NPNT: variants seen among roughly 807,000 people sequenced by gnomAD.
NPNT encodes the protein nephronectin, also known as preosteoblast EGF-like repeat protein with MAM domain.
NPNT carries 45 observed loss-of-function variants against 68.6 expected under a neutral mutation model. The observed-to-expected ratio is 0.66, with a 90% confidence interval of 0.52 to 0.84. NPNT has a LOEUF of 0.84. Among genes scored for constraint, NPNT ranks in the 40% least tolerant of loss-of-function variants. NPNT has a pLI of 0.00. For missense variants in NPNT, 672 were observed against 714.8 expected (o/e 0.94, Z 0.68); for synonymous variants, 233 against 253.3 (o/e 0.92, Z 0.76).
chr4:105,941,362 A>AT (rs1410977770), intron 7 of NPNT, among the ~76,000 whole-genome samples: 1 of 152,168 alleles, frequency 6.6e-6, no homozygotes, highest in Non-Finnish European at 1.5e-5. Flanking sequence ...AGAAAAAAAA[A>AT]GCCATTCCCA....
chr4:105,939,279 T>A (rs1176929043), intron 5 of NPNT, among the ~76,000 whole-genome samples: 28 of 152,174 alleles, frequency 1.8e-4, no homozygotes, highest in Admixed American at 1.8e-3. Context: ...AAGACCTGTA[T>A]CATTAGCCAT....
rs1729702359 is a variant in NPNT at position 105,938,788 on chromosome 4, C to T, written c.505+368C>T. On this transcript the variant is annotated intron_variant, in intron 5 of 11. Transcript: ENST00000379987. The stretch of plus-strand genomic sequence containing the variant: ...TAGATTGTATGTGTTGTTCTTCAGG[C>T]CTCAGATTTTTTTCTGGTAAATTAG... Among the ~76,000 whole-genome samples the T allele has an allele frequency of 1.3e-5, 2 of 152,072 alleles. 1 individual carries two copies. The highest frequency in any genetic ancestry group is 4.1e-4 in the South Asian group (2 of 4,820).
intron 2 of NPNT, among the ~76,000 whole-genome samples, chr4:105,899,556 A>G (rs1726229527): frequency 1.3e-5 from 2 of 152,198 alleles, no homozygotes; most frequent in Admixed American, 1.3e-4. Flanking sequence ...TCCCTTTAAC[A>G]GAATGTAATT....
chr4:105,917,893 A>C (rs1462065060), intron 2 of NPNT, among the ~76,000 whole-genome samples: 1 of 152,184 alleles, frequency 6.6e-6, no homozygotes, highest in East Asian at 1.9e-4. Context: ...TGCCATGCTG[A>C]GTGTTTGAAA....
chr4:105,924,846 G>C (rs1728568310), intron 2 of NPNT, among the ~76,000 whole-genome samples: 1 of 152,020 alleles, frequency 6.6e-6, no homozygotes, highest in Admixed American at 6.6e-5. Flanking sequence ...ACTTTTTCAT[G>C]CTTTGAGAGA....
At chr4:105,925,947 A>G (rs1239399207) in intron 2 of NPNT, among the ~76,000 whole-genome samples, 1 of 152,156 alleles carries the variant, frequency 6.6e-6, no homozygotes, top group African/African-American at 2.4e-5. Flanking sequence ...CATGTTTCTC[A>G]TTCTGAAATG....
chr4:105,927,729 T>C (rs1377475675), intron 3 of NPNT, among the ~76,000 whole-genome samples: 1 of 152,186 alleles, frequency 6.6e-6, no homozygotes, highest in South Asian at 2.1e-4. Flanking sequence ...CACTAACTAG[T>C]TGGAAATCCT....
intron 2 of NPNT, among the ~76,000 whole-genome samples, chr4:105,921,888 G>A (rs931474945): frequency 6.6e-6 from 1 of 152,130 alleles, no homozygotes; most frequent in Non-Finnish European, 1.5e-5. Context: ...TGTGAAGCTT[G>A]TTGGGTGTAA....
At position 105,903,701 on chromosome 4, in the gene NPNT, A is replaced by G. The variant is rs561278478; in HGVS notation, c.172+5700A>G. On this transcript the variant is annotated intron_variant, in intron 2 of 11. Coordinates refer to ENST00000379987, the MANE Select transcript of NPNT (RefSeq NM_001033047.3). ...CACCCACTTGTTTTGTACAAATGAA[A>G]GCATACTATATACACTGCTTTGTAT... is the stretch of plus-strand genomic sequence containing the variant. Among the ~76,000 whole-genome samples, 3 of 152,170 alleles carry G rather than the reference A, an allele frequency of 2.0e-5. 1 individual carries two copies. The South Asian group carries it at 6.2e-4, about 32-fold the overall frequency.
intron 8 of NPNT, among the ~76,000 whole-genome samples, chr4:105,954,290 T>G (rs1335744643): frequency 6.6e-6 from 1 of 152,214 alleles, no homozygotes; most frequent in East Asian, 1.9e-4. Flanking sequence ...TCTTTTAGTT[T>G]ATGCAGAAGG....
At chr4:105,912,893 A>C in intron 2 of NPNT, among the ~76,000 whole-genome samples, 1 of 152,200 alleles carries the variant, frequency 6.6e-6, no homozygotes, top group East Asian at 1.9e-4. Context: ...TTTGAAACAG[A>C]GCCTTGCTCT....
intron 5 of NPNT, among the ~76,000 whole-genome samples, 195 bp downstream of exon 5, chr4:105,938,615 G>C (rs1309984137): frequency 1.3e-5 from 2 of 152,218 alleles, no homozygotes; most frequent in Non-Finnish European, 2.9e-5. Flanking sequence ...TAAAAAATGA[G>C]AAATAGGAGG....
At chr4:105,895,823 C>A (rs985382101) in intron 1 of NPNT, 100 bp downstream of exon 1, 3 of 1,054,060 alleles carry the variant, frequency 2.8e-6, no homozygotes, top group African/African-American at 3.2e-5. Context: ...GTCAGAGAGG[C>A]GTCTCCTCCA....
intron 10 of NPNT, among the ~76,000 whole-genome samples, chr4:105,965,179 T>G (rs1482628643): frequency 6.6e-6 from 1 of 152,154 alleles, no homozygotes; most frequent in Non-Finnish European, 1.5e-5. Context: ...ATTCTTGAGA[T>G]ATTGTGATAC....
Position 105,968,961 on chromosome 4 carries a change from A to T in NPNT, c.1669A>T (p.Lys557Ter). 6.2e-7 allele frequency: 1 copy of T among 1,610,776 alleles called. No homozygotes were observed. Among genetic ancestry groups the T allele is most frequent in the Non-Finnish European group, 8.5e-7 (1 of 1,177,118 alleles). The change falls in exon 12 of 12, where the codon AAA becomes TAA. Residue 557 changes from lysine to a stop codon, truncating the protein, a stop_gained. Transcript: ENST00000379987. LOFTEE classifies it high-confidence loss of function. ...GEIGLDDVSL[K>*]KGHCSEER ...GATTGGATTAGATGATGTGAGCTTG[A>T]AAAAAGGCCACTGCTCTGAAGAACG...
chr4:105,921,862 G>C (rs1233210617), intron 2 of NPNT, among the ~76,000 whole-genome samples: 1 of 152,120 alleles, frequency 6.6e-6, no homozygotes, highest in Non-Finnish European at 1.5e-5. Context: ...AAATGAATTT[G>C]TCCATATCTG....
chr4:105,939,419 G>T (rs536521114), intron 5 of NPNT, among the ~76,000 whole-genome samples: 3 of 152,174 alleles, frequency 2.0e-5, no homozygotes, highest in Non-Finnish European at 2.9e-5. Flanking sequence ...GAGGGGTGGT[G>T]GCTGGAGATA....
In NPNT at chr4:105,895,479, GA is replaced by G; in HGVS notation, c.-173del. On this transcript the variant is annotated 5_prime_UTR_variant, in exon 1 of 12. Coordinates refer to ENST00000379987, the MANE Select transcript of NPNT (RefSeq NM_001033047.3). ...AGGGGGCTCCGGGCGCCGCGCAGCA[GA>G]CCTGCTCCGGCCGCGCGCCTCGCCG... The G allele has an allele frequency of 1.7e-6, 1 of 583,182 alleles. No individual in the cohort carries two copies. The highest frequency in any genetic ancestry group is 2.1e-5 in the South Asian group (1 of 46,944). 36.1% of individuals were successfully genotyped at this position (583,182 alleles called of 1,614,324 possible). A position where few individuals can be genotyped will look rare whatever the true frequency, so the allele number is the denominator to read the frequency against.
intron 2 of NPNT, 61 bp from the exon 3 acceptor site, chr4:105,927,275 A>C: frequency 9.7e-7 from 1 of 1,032,782 alleles, no homozygotes; most frequent in East Asian, 2.4e-5. Flanking sequence ...GCACGACATC[A>C]ATGCTATATG....
Sources: gnomAD v4.1 joint callset for allele counts (sites outside exome capture counted in the v4.1 genomes callset) on GRCh38, gnomAD v4.1.1 for gene constraint, MANE v1.5 for transcripts, NCBI Gene and HGNC (gene_info 2026-07-23, HGNC 2026-07-21) for gene names.